The following RAB3GAP2 variants were observed in gnomAD, a reference collection of about 807,000 sequenced individuals.
The protein encoded by RAB3GAP2 is rab3 GTPase-activating protein non-catalytic subunit.
In RAB3GAP2, 87 loss-of-function variants were observed where a neutral mutation model predicts 185.3. The observed-to-expected ratio is 0.47, with a 90% CI of 0.39 to 0.56. The LOEUF (loss-of-function observed/expected upper bound fraction) is 0.56, where lower values mean the gene tolerates loss of function less well. Among genes scored for constraint, RAB3GAP2 ranks in the 20% least tolerant of loss-of-function variants. The pLI, the probability that RAB3GAP2 is intolerant of heterozygous loss-of-function variation, is 0.00. For synonymous variants in RAB3GAP2, 554 were observed against 576.1 expected (o/e 0.96, Z 0.55); for missense variants, 1,492 against 1,638.2 (o/e 0.91, Z 1.54).
At chr1:220,164,850 A>T in intron 26 of RAB3GAP2, 51 bp from the exon 27 acceptor site, 1 of 1,530,542 alleles carries the variant, frequency 6.5e-7, no homozygotes, top group Non-Finnish European at 8.9e-7. Context: ...ATCATTTAAT[A>T]GGTTTTACCA....
intron 1 of RAB3GAP2, among the ~76,000 whole-genome samples, chr1:220,234,046 T>C (rs1306619605): frequency 6.6e-6 from 1 of 152,242 alleles, no homozygotes; most frequent in Non-Finnish European, 1.5e-5. Context: ...CAAATCCTGA[T>C]CTAGCACTTA....
At chr1:220,218,686 T>C (rs1323508621) in intron 2 of RAB3GAP2, among the ~76,000 whole-genome samples, 2 of 151,794 alleles carry the variant, frequency 1.3e-5, no homozygotes, top group African/African-American at 4.8e-5. Flanking sequence ...CATGTATACA[T>C]ATGTAACAAA....
intron 12 of RAB3GAP2, 30 bp downstream of exon 12, chr1:220,195,048 A>G: frequency 6.3e-7 from 1 of 1,593,678 alleles, no homozygotes; most frequent in Non-Finnish European, 8.6e-7. Flanking sequence ...TTCTAAAAGG[A>G]CTAAAATTTG....
chr1:220,187,908 G>A (rs930392433), intron 17 of RAB3GAP2, among the ~76,000 whole-genome samples: 8 of 152,114 alleles, frequency 5.3e-5, no homozygotes, highest in African/African-American at 1.7e-4. Flanking sequence ...TAGCTAGACA[G>A]TCAGAAATAT....
At chr1:220,180,340 A>C (rs1350791184) in intron 21 of RAB3GAP2, among the ~76,000 whole-genome samples, 1 of 152,168 alleles carries the variant, frequency 6.6e-6, no homozygotes. Flanking sequence ...AAATTACACA[A>C]GATCAACAAA....
In RAB3GAP2 at chr1:220,189,714, T is replaced by C; in HGVS notation, c.1768A>G (p.Thr590Ala). The C allele has an allele frequency of 6.4e-7, 1 of 1,561,008 alleles. No individual in the cohort carries two copies. Among genetic ancestry groups the C allele is most frequent in the Non-Finnish European group, 8.8e-7 (1 of 1,140,320 alleles). Reference protein sequence around the residue: ...ELILDIKYPATKKQALESILA... With the variant: ...ELILDIKYPAAKKQALESILA... ...TTATATACACTTACTTGTTTTTTGGTTGCAGGGTATTTAATATCAAGAATT... is the reference window on the plus strand; with the variant it reads ...TTATATACACTTACTTGTTTTTTGGCTGCAGGGTATTTAATATCAAGAATT... The change falls in exon 17 of 35, where the codon ACC (threonine) becomes GCC (alanine). Residue 590 changes from threonine (T) to alanine (A), a missense_variant. Coordinates refer to ENST00000358951, the MANE Select transcript of RAB3GAP2 (RefSeq NM_012414.4).
In RAB3GAP2 at chr1:220,189,742, T is replaced by C; in HGVS notation, c.1740A>G (p.Glu580=). 6.5e-7 allele frequency: 1 copy of C among 1,535,628 alleles called. No homozygotes were observed. Among genetic ancestry groups the C allele is most frequent in the South Asian group, 1.2e-5 (1 of 85,038 alleles). Residue 580 remains glutamate (E), a synonymous_variant, in exon 17 of 35, where the codon GAA becomes GAG. Transcript: ENST00000358951. ...CAGGGTATTTAATATCAAGAATTAA[T>C]TCCTTTATTTCTGTTTCAACCAAAT... ...NLDLVETEIK[E]LILDIKYPAT...
Position 220,151,590 on chromosome 1 carries a change from G to T in RAB3GAP2, c.4026+16C>A. On this transcript the variant is annotated intron_variant, in intron 34 of 34. Transcript: ENST00000358951. ...ATCCAATGACCTTTTGCCTGATCTC[G>T]TTCTATTGTACTGACCATTGCTTTC... 6.2e-7 allele frequency: 1 copy of T among 1,603,874 alleles called. No individual in the cohort carries two copies. The highest frequency in any genetic ancestry group is 1.1e-5 in the South Asian group (1 of 90,866).
At position 220,272,351 on chromosome 1, in the gene RAB3GAP2, C is replaced by G. The variant is rs763897748; in HGVS notation, c.-14G>C. ...GGAGCAGGCCATGGCTCCAGGGAAC[C>G]CCACTACGGCACTCACCTTACCTCA... is the stretch of plus-strand genomic sequence containing the variant. On this transcript the variant is annotated 5_prime_UTR_variant, in exon 1 of 35. Transcript: ENST00000358951. The G allele has an allele frequency of 5.0e-6, 8 of 1,584,616 alleles. No homozygotes were observed. The South Asian group carries it at 6.8e-5, about 13-fold the overall frequency.
intron 21 of RAB3GAP2, among the ~76,000 whole-genome samples, chr1:220,177,019 G>T (rs1658304291): frequency 6.6e-6 from 1 of 152,152 alleles, no homozygotes; most frequent in African/African-American, 2.4e-5. Flanking sequence ...TCCTAAAGAG[G>T]TCCAGTCTCA....
At position 220,158,780 on chromosome 1, in the gene RAB3GAP2, A is replaced by T. The variant is rs1033988011; in HGVS notation, c.3261+606T>A. ...AAACCAACAATCTTATAATTTCCTC[A>T]CATCCCCAAAGCAAATAATTCAGTG... On this transcript the variant is annotated intron_variant, in intron 29 of 34. Coordinates refer to ENST00000358951, the MANE Select transcript of RAB3GAP2 (RefSeq NM_012414.4). The surrounding 1 kb of genome is among the most constrained non-coding windows in gnomAD (Gnocchi z 4.3). 3.3e-5 allele frequency among the ~76,000 whole-genome samples: 5 copies of T among 152,034 alleles called. No individual in the cohort carries two copies. The highest frequency in any genetic ancestry group is 1.2e-4 in the African/African-American group (5 of 41,372).
At chr1:220,156,314 C>T (rs1657856798) in intron 31 of RAB3GAP2, among the ~76,000 whole-genome samples, 1 of 152,198 alleles carries the variant, frequency 6.6e-6, no homozygotes, top group African/African-American at 2.4e-5. Context: ...GCTGTGTTCT[C>T]TAACCCAGCT....
chr1:220,185,718 A>C lies in RAB3GAP2; in HGVS notation c.1803T>G (p.Ser601Arg). The change falls in exon 18 of 35, where the codon AGT becomes AGG. Residue 601 changes from serine (S) to arginine (R), a missense_variant. Transcript: ENST00000358951. Reference sequence around the variant, plus strand: ...TAAGGCAAGAAAATGGTAAACGTTCACTTGCCAAAATGCTTTCCAAAGCCT... The same window carrying C: ...TAAGGCAAGAAAATGGTAAACGTTCCCTTGCCAAAATGCTTTCCAAAGCCT... Reference protein sequence around the residue: ...KKQALESILASERLPFSCLRN... With the variant: ...KKQALESILARERLPFSCLRN... The C allele has an allele frequency of 3.7e-6, 6 of 1,612,152 alleles. No individual in the cohort carries two copies. Among genetic ancestry groups the C allele is most frequent in the Non-Finnish European group, 5.1e-6 (6 of 1,178,576 alleles).
At position 220,164,445 on chromosome 1, in the gene RAB3GAP2, G is replaced by GT. The variant is rs71169436; in HGVS notation, c.3154+287dup. On this transcript the variant is annotated intron_variant, in intron 27 of 34. Coordinates refer to ENST00000358951, the MANE Select transcript of RAB3GAP2 (RefSeq NM_012414.4). Reference sequence around the variant, plus strand: ...CCAAGTAGTTAAAATGGCCAGTACTGTTTTTTTTTTGTTTTGTTTTTTGTT... The same window carrying GT: ...CCAAGTAGTTAAAATGGCCAGTACTGTTTTTTTTTTTGTTTTGTTTTTTGTT... Among the ~76,000 whole-genome samples, 4,758 of 118,862 alleles carry GT rather than the reference G, an allele frequency of 0.04. 105 individuals carry two copies. The highest frequency in any genetic ancestry group is 0.059 in the Non-Finnish European group (3,283 of 55,472). The allele number at this position is 118,862 out of a possible 152,430, so 78.0% of individuals were successfully genotyped here. A position where few individuals can be genotyped will look rare whatever the true frequency, so the allele number is the denominator to read the frequency against.
At chr1:220,189,010 C>G (rs571932355) in intron 17 of RAB3GAP2, among the ~76,000 whole-genome samples, 1 of 152,072 alleles carries the variant, frequency 6.6e-6, no homozygotes, top group Admixed American at 6.5e-5. Context: ...AGGAGCCACA[C>G]AGGAATGACG....
chr1:220,174,687 T>A (rs1449741579), intron 21 of RAB3GAP2, among the ~76,000 whole-genome samples: 1 of 152,170 alleles, frequency 6.6e-6, no homozygotes, highest in East Asian at 1.9e-4. Context: ...TGCTCATAAA[T>A]AATGACAATG....
rs750436297 is a variant in RAB3GAP2, at chr1:220,167,406, G to A, written c.2981-7C>T. On this transcript the variant is annotated splice_region_variant and splice_polypyrimidine_tract_variant and intron_variant, in intron 25 of 34. Coordinates refer to ENST00000358951, the MANE Select transcript of RAB3GAP2 (RefSeq NM_012414.4). ...TAGGCTAAATGCAGTAAGTCTGAAA[G>A]TCAGAAGAAAGCAGTGATGTTATTT... 5.8e-5 allele frequency: 93 copies of A among 1,613,664 alleles called. No homozygotes were observed. The highest frequency in any genetic ancestry group is 4.2e-5 in the Non-Finnish European group (49 of 1,179,658).
chr1:220,221,612 T>C (rs989055211), intron 2 of RAB3GAP2, among the ~76,000 whole-genome samples: 1 of 152,068 alleles, frequency 6.6e-6, no homozygotes, highest in African/African-American at 2.4e-5. Context: ...ACTTCAAGAA[T>C]TTTTTTTGAA....
At chr1:220,223,834 C>G (rs1320329240) in intron 2 of RAB3GAP2, among the ~76,000 whole-genome samples, 1 of 151,346 alleles carries the variant, frequency 6.6e-6, no homozygotes, top group Non-Finnish European at 1.5e-5. Context: ...CCTTTAGAAG[C>G]ACCATGCAAC....
Sources: allele counts gnomAD v4.1 joint callset (sites outside exome capture counted in the v4.1 genomes callset), GRCh38; gene constraint gnomAD v4.1.1; non-coding constraint Gnocchi (gnomAD v3.1); transcripts MANE v1.5; gene names NCBI Gene and HGNC (gene_info 2026-07-23, HGNC 2026-07-21).